Variants in SCN10A observed in about 807,000 individuals in gnomAD.
The protein encoded by SCN10A is sodium voltage-gated channel alpha subunit 10.
A neutral mutation model predicts 170.7 loss-of-function variants in SCN10A; 162 were observed. That is an observed-to-expected ratio of 0.95 (90% CI 0.84 to 1.08). The LOEUF (loss-of-function observed/expected upper bound fraction) is 1.08. Among genes scored for constraint, SCN10A ranks in the 50% least tolerant of loss-of-function variants. The pLI is 0.00. For missense variants in SCN10A, 2,527 were observed against 2,436.9 expected (o/e 1.04, Z -0.78); for synonymous variants, 985 against 904.6 (o/e 1.09, Z -1.59).
intron 4 of SCN10A, among the ~76,000 whole-genome samples, chr3:38,782,726 A>G (rs1401855345): frequency 1.3e-5 from 2 of 152,056 alleles, no homozygotes; most frequent in Non-Finnish European, 2.9e-5. Flanking sequence ...CTTAGTAACC[A>G]TCTTCTGATT....
intron 15 of SCN10A, among the ~76,000 whole-genome samples, chr3:38,737,103 T>A (rs2063573224): frequency 6.7e-6 from 1 of 149,116 alleles, no homozygotes; most frequent in Non-Finnish European, 1.5e-5. Flanking sequence ...CCCGAGTAGC[T>A]GGGACTACAG....
rs1559450081 is a variant in SCN10A, at chr3:38,761,173, T to C, written c.883+19A>G. On this transcript the variant is annotated intron_variant, in intron 7 of 27. Coordinates refer to ENST00000449082, the MANE Select transcript of SCN10A (RefSeq NM_006514.4). ...GGGTCCAACCAGACCTTGGTCCCTA[T>C]GGAAGAGACTCCACTCACGTTTTCT... The C allele has an allele frequency of 6.3e-7, 1 of 1,594,280 alleles. No individual in the cohort carries two copies. The highest frequency in any genetic ancestry group is 8.6e-7 in the Non-Finnish European group (1 of 1,168,304).
intron 15 of SCN10A, among the ~76,000 whole-genome samples, chr3:38,737,808 C>G (rs536649755): frequency 3.3e-3 from 375 of 114,940 alleles, no homozygotes; most frequent in South Asian, 0.012. Flanking sequence ...CTCTTTCTTT[C>G]TTTCTTTCTT....
Position 38,726,831 on chromosome 3 carries a change from G to A in SCN10A, c.2862C>T (p.Ser954=). 6.2e-7 allele frequency: 1 copy of A among 1,613,886 alleles called. No homozygotes were observed. The highest frequency in any genetic ancestry group is 8.5e-7 in the Non-Finnish European group (1 of 1,179,772). ...EPELVVKLPL[S]SSKAENHIAA... ...CAATGTGGTTCTCAGCCTTGGAGCT[G>A]GAGAGTGGGAGTTTCACCACCAGCT... is the stretch of plus-strand genomic sequence containing the variant. The change falls in exon 17 of 28, where the codon TCC becomes TCT. Residue 954 remains serine (S), a synonymous_variant. Transcript: ENST00000449082.
Position 38,725,322 on chromosome 3 carries a change from G to C in SCN10A, c.3088-8C>G. 6.4e-7 allele frequency: 1 copy of C among 1,571,506 alleles called. No homozygotes were observed. The highest frequency in any genetic ancestry group is 8.7e-7 in the Non-Finnish European group (1 of 1,147,642). On this transcript the variant is annotated splice_polypyrimidine_tract_variant and splice_region_variant and intron_variant, in intron 17 of 27. Transcript: ENST00000449082. ...TTGCTGCAGCTGCTCCTGCTAGTGA[G>C]AGAGGGTCCCAACTGGGTGCCTGGC...
chr3:38,763,834 G>A (rs867260188), intron 5 of SCN10A, among the ~76,000 whole-genome samples: 2 of 152,164 alleles, frequency 1.3e-5, no homozygotes, highest in African/African-American at 2.4e-5. Flanking sequence ...GCATGTGGAC[G>A]GATCTTCAAA....
intron 10 of SCN10A, 72 bp from the exon 11 acceptor site, chr3:38,756,030 T>C: frequency 1.3e-6 from 2 of 1,544,614 alleles, no homozygotes; most frequent in South Asian, 1.1e-5. Context: ...CCCCCAGACA[T>C]GGGGTGCCAG....
At chr3:38,780,927 A>G (rs1404630368) in intron 4 of SCN10A, among the ~76,000 whole-genome samples, 3 of 152,084 alleles carry the variant, frequency 2.0e-5, no homozygotes, top group Non-Finnish European at 1.5e-5. Flanking sequence ...ACAATGACCA[A>G]TTGAGAGCAA....
intron 5 of SCN10A, among the ~76,000 whole-genome samples, chr3:38,766,539 A>G (rs967499840): frequency 6.6e-5 from 10 of 152,106 alleles, no homozygotes; most frequent in African/African-American, 2.4e-4. Context: ...TGCAGCATTT[A>G]TTGACTTGTG....
intron 25 of SCN10A, among the ~76,000 whole-genome samples, chr3:38,707,812 A>T (rs1441746211): frequency 1.3e-5 from 2 of 152,012 alleles, no homozygotes; most frequent in African/African-American, 2.4e-5. Flanking sequence ...TCTGGGAGGG[A>T]CAGAAGCCCT....
At chr3:38,800,873 C>T (rs758601670) in intron 1 of SCN10A, among the ~76,000 whole-genome samples, 1 of 152,114 alleles carries the variant, frequency 6.6e-6, no homozygotes, top group Non-Finnish European at 1.5e-5. Flanking sequence ...AGCACCTTGA[C>T]TTGAATTTCT....
At chr3:38,734,014 C>G (rs2126007497) in intron 15 of SCN10A, among the ~76,000 whole-genome samples, 1 of 151,204 alleles carries the variant, frequency 6.6e-6, no homozygotes, top group African/African-American at 2.4e-5. Flanking sequence ...ACCACTGCCC[C>G]TGGCCTTCTT....
chr3:38,714,255 C>T (rs2063308213), intron 21 of SCN10A, among the ~76,000 whole-genome samples, 175 bp from the exon 22 acceptor site: 1 of 152,148 alleles, frequency 6.6e-6, no homozygotes, highest in Non-Finnish European at 1.5e-5. Flanking sequence ...TGTCTCTTCC[C>T]TTTTATTAAA....
chr3:38,745,645 A>G (rs866048141), intron 13 of SCN10A, among the ~76,000 whole-genome samples: 51 of 152,042 alleles, frequency 3.4e-4, no homozygotes, highest in African/African-American at 1.2e-3. Flanking sequence ...AGCCCCTTCA[A>G]TATGACCTCT....
At chr3:38,812,280 T>C (rs1181732409) in intron 1 of SCN10A, among the ~76,000 whole-genome samples, 3 of 152,234 alleles carry the variant, frequency 2.0e-5, no homozygotes, top group Non-Finnish European at 4.4e-5. Flanking sequence ...GAGCATATCC[T>C]ATAATTAACC....
At chr3:38,785,616 G>A (rs1237890219) in intron 4 of SCN10A, among the ~76,000 whole-genome samples, 3 of 152,134 alleles carry the variant, frequency 2.0e-5, no homozygotes, top group Admixed American at 1.3e-4. Context: ...GGTGACAAAA[G>A]CCAAAATTGA....
chr3:38,699,216 T>C (rs1340491623), intron 27 of SCN10A, among the ~76,000 whole-genome samples: 3 of 130,346 alleles, frequency 2.3e-5, no homozygotes, highest in Admixed American at 1.6e-4. Context: ...TTTTTTTTTT[T>C]CGGTTCCAGC....
chr3:38,726,841 A>T lies in SCN10A; in HGVS notation c.2852T>A (p.Leu951His), dbSNP rs755728923. 13 of 1,613,770 alleles carry T rather than the reference A, an allele frequency of 8.1e-6. No individual in the cohort carries two copies. The East Asian group carries it at 2.7e-4, about 33-fold the overall frequency. ...CTCAGCCTTGGAGCTGGAGAGTGGG[A>T]GTTTCACCACCAGCTCAGGCTCTGC... ...PKAEPELVVKLPLSSSKAENH... is the reference protein window; with the variant it reads ...PKAEPELVVKHPLSSSKAENH... The change falls in exon 17 of 28, where the codon CTC (leucine) becomes CAC (histidine). Residue 951 changes from leucine (L) to histidine (H), a missense_variant. By Grantham distance (99) the Leu-to-His change is moderately conservative (BLOSUM62 -3). Transcript: ENST00000449082.
Position 38,707,335 on chromosome 3 carries a change from T to A in SCN10A, c.4330A>T (p.Asn1444Tyr). The change falls in exon 26 of 28, where the codon AAT (asparagine) becomes TAT (tyrosine). Residue 1444 changes from asparagine to tyrosine, a missense_variant. Transcript: ENST00000449082. The stretch of plus-strand genomic sequence containing the variant: ...TTGGAGCCCAACTTCTTCATGGCAT[T>A]GTAGTATTTCTTCTGCTCCTCTGTC... The part of the protein sequence containing the change: ...FMTEEQKKYY[N>Y]AMKKLGSKKP... The A allele has an allele frequency of 1.2e-6, 2 of 1,614,112 alleles. No individual in the cohort carries two copies. Among genetic ancestry groups the A allele is most frequent in the Non-Finnish European group, 1.7e-6 (2 of 1,180,006 alleles).
Sources: allele counts gnomAD v4.1 joint callset (sites outside exome capture counted in the v4.1 genomes callset), GRCh38; gene constraint gnomAD v4.1.1; transcripts MANE v1.5; gene names NCBI Gene and HGNC (gene_info 2026-07-23, HGNC 2026-07-21).